The following NLGN1 variants were observed in gnomAD, a reference collection of about 807,000 sequenced individuals.
NLGN1 encodes the protein neuroligin-1.
NLGN1 carries 12 observed loss-of-function variants against 65.5 expected under a neutral mutation model. That is an observed-to-expected ratio of 0.18 (90% CI 0.12 to 0.30). The LOEUF is 0.30. NLGN1 is among the 10% of genes least tolerant of loss of function. The pLI, the probability that NLGN1 is intolerant of heterozygous loss-of-function variation, is 1.00. For synonymous variants in NLGN1, 350 were observed against 359.5 expected (o/e 0.97, Z 0.30); for missense variants, 750 against 1,007.1 (o/e 0.74, Z 3.46).
chr3:173,506,315 G>T (rs948880942), intron 2 of NLGN1, among the ~76,000 whole-genome samples: 12 of 151,960 alleles, frequency 7.9e-5, no homozygotes, highest in African/African-American at 2.9e-4. Flanking sequence ...ACGAAATGAG[G>T]TTGAATAAAA....
At chr3:174,150,469 A>G (rs1275198378) in intron 4 of NLGN1, among the ~76,000 whole-genome samples, 1 of 152,122 alleles carries the variant, frequency 6.6e-6, no homozygotes, top group Non-Finnish European at 1.5e-5. Flanking sequence ...TAACAAACAA[A>G]AATGTCCCTA....
chr3:173,772,227 T>C (rs539451199), intron 3 of NLGN1, among the ~76,000 whole-genome samples: 31 of 152,340 alleles, frequency 2.0e-4, no homozygotes, highest in Admixed American at 1.6e-3. Flanking sequence ...TCTTTTTTTA[T>C]TTGAAAGAGC....
chr3:173,707,310 G>A (rs930864305), intron 3 of NLGN1, among the ~76,000 whole-genome samples: 1 of 152,136 alleles, frequency 6.6e-6, no homozygotes, highest in African/African-American at 2.4e-5. Flanking sequence ...TGCAGTCAGA[G>A]AATTTGCCAC....
intron 3 of NLGN1, among the ~76,000 whole-genome samples, chr3:173,776,408 T>C (rs565348981): frequency 6.6e-6 from 1 of 152,166 alleles, no homozygotes; most frequent in South Asian, 2.1e-4. Flanking sequence ...TGTTCCTCTC[T>C]CATTTTAATT....
intron 3 of NLGN1, among the ~76,000 whole-genome samples, chr3:173,719,943 C>T (rs1438583614): frequency 4.0e-5 from 6 of 151,788 alleles, no homozygotes; most frequent in Non-Finnish European, 2.9e-5. Flanking sequence ...AGTGGGACCT[C>T]GTCTCTACAA....
chr3:174,019,608 T>A (rs1223586481), intron 4 of NLGN1, among the ~76,000 whole-genome samples: 1 of 152,148 alleles, frequency 6.6e-6, no homozygotes, highest in Non-Finnish European at 1.5e-5. Flanking sequence ...AAAATATAGT[T>A]AGAGACAGGT....
chr3:173,819,058 T>C (rs1253542420), intron 4 of NLGN1, among the ~76,000 whole-genome samples: 1 of 152,072 alleles, frequency 6.6e-6, no homozygotes, highest in Admixed American at 6.5e-5. Context: ...TCTAAAATCC[T>C]TTAGAAAGGG....
chr3:173,855,553 G>A (rs1727790193), intron 4 of NLGN1, among the ~76,000 whole-genome samples: 1 of 151,974 alleles, frequency 6.6e-6, no homozygotes, highest in South Asian at 2.1e-4. Context: ...TATTCTTGTA[G>A]TCTTCCAAGA....
chr3:173,422,024 A>G (rs935494303), intron 1 of NLGN1, among the ~76,000 whole-genome samples: 5 of 152,286 alleles, frequency 3.3e-5, no homozygotes, highest in Non-Finnish European at 5.9e-5. Flanking sequence ...TTGGTTATCC[A>G]TCAAATGCAG....
intron 3 of NLGN1, among the ~76,000 whole-genome samples, chr3:173,613,293 A>G (rs1010895879): frequency 2.0e-5 from 3 of 152,104 alleles, no homozygotes; most frequent in Non-Finnish European, 4.4e-5. Flanking sequence ...CCAAGTTCAC[A>G]TGACTGTTAG....
chr3:173,990,620 T>C (rs1374312807), intron 4 of NLGN1, among the ~76,000 whole-genome samples: 1 of 152,170 alleles, frequency 6.6e-6, no homozygotes, highest in Admixed American at 6.5e-5. Context: ...TATTGGCAAC[T>C]TGATTATTCC....
At chr3:173,539,430 C>A (rs1481448820) in intron 2 of NLGN1, among the ~76,000 whole-genome samples, 3 of 144,114 alleles carry the variant, frequency 2.1e-5, no homozygotes, top group Non-Finnish European at 4.5e-5. Flanking sequence ...TTATATATAA[C>A]ATATATATGT....
At chr3:173,900,523 A>G (rs1263896971) in intron 4 of NLGN1, among the ~76,000 whole-genome samples, 1 of 152,074 alleles carries the variant, frequency 6.6e-6, no homozygotes, top group Non-Finnish European at 1.5e-5. Flanking sequence ...CTTTTCTTAT[A>G]CAGTATTACT....
rs531240596 is a variant in NLGN1, at chr3:173,771,725, G to C, written c.494-35955G>C. Among the ~76,000 whole-genome samples the C allele has an allele frequency of 7.2e-5, 11 of 151,968 alleles. No homozygotes were observed. In the South Asian group the frequency reaches 2.1e-3, roughly 29 times the overall value. On this transcript the variant is annotated intron_variant, in intron 3 of 6. Transcript: ENST00000457714. Reference sequence around the variant, plus strand: ...ATGTAATGGTAACAACATTAGACTTGTTGATTAGTAAGTTTATGCCAACTT... The same window carrying C: ...ATGTAATGGTAACAACATTAGACTTCTTGATTAGTAAGTTTATGCCAACTT...
At chr3:174,030,904 G>A (rs920578884) in intron 4 of NLGN1, among the ~76,000 whole-genome samples, 1 of 152,086 alleles carries the variant, frequency 6.6e-6, no homozygotes, top group African/African-American at 2.4e-5. Context: ...AGGAAATATT[G>A]GTCAAAACTC....
intron 4 of NLGN1, among the ~76,000 whole-genome samples, chr3:174,122,160 G>A (rs998660539): frequency 2.0e-5 from 3 of 152,188 alleles, no homozygotes; most frequent in African/African-American, 2.4e-5. Context: ...ATGAGTAAAC[G>A]TATTTCCCAA....
At chr3:173,659,587 CAG>C (rs1341007166) in intron 3 of NLGN1, among the ~76,000 whole-genome samples, 2 of 151,864 alleles carry the variant, frequency 1.3e-5, no homozygotes, top group Admixed American at 6.6e-5. Context: ...CCTTGGGCCA[CAG>C]AGTCTTCTTT....
intron 3 of NLGN1, among the ~76,000 whole-genome samples, chr3:173,643,430 G>A (rs1577697639): frequency 6.6e-6 from 1 of 152,082 alleles, no homozygotes; most frequent in Non-Finnish European, 1.5e-5. Flanking sequence ...AATCATCTGA[G>A]AAGGAAAATA....
At chr3:173,686,008 A>G (rs1398469326) in intron 3 of NLGN1, among the ~76,000 whole-genome samples, 1 of 152,212 alleles carries the variant, frequency 6.6e-6, no homozygotes, top group East Asian at 1.9e-4. Context: ...GAGTCTAGCA[A>G]TCATTAACCA....
Sources: allele counts gnomAD v4.1 joint callset (sites outside exome capture counted in the v4.1 genomes callset), GRCh38; gene constraint gnomAD v4.1.1; transcripts MANE v1.5; gene names NCBI Gene and HGNC (gene_info 2026-07-23, HGNC 2026-07-21).